RSPH1: variants seen among roughly 807,000 people sequenced by gnomAD.
RSPH1 encodes the protein radial spoke head 1 homolog.
RSPH1 carries 32 observed loss-of-function variants against 44.2 expected under a neutral mutation model. The observed-to-expected ratio is 0.72, with a 90% CI of 0.55 to 0.97. RSPH1 has a LOEUF of 0.97. Ranked by LOEUF, RSPH1 falls within the 50% of genes least tolerant of loss-of-function variation. The pLI is 0.00. For missense variants in RSPH1, 391 were observed against 398.7 expected (o/e 0.98, Z 0.16); for synonymous variants, 134 against 147.3 (o/e 0.91, Z 0.65).
intron 6 of RSPH1, among the ~76,000 whole-genome samples, chr21:42,479,617 G>C (rs148902954): frequency 2.3e-4 from 35 of 152,224 alleles, no homozygotes; most frequent in Admixed American, 2.2e-3. Flanking sequence ...ACAGATGAGA[G>C]GTGTCCAACC....
At chr21:42,480,969 G>A (rs1190597030) in intron 6 of RSPH1, among the ~76,000 whole-genome samples, 1 of 152,138 alleles carries the variant, frequency 6.6e-6, no homozygotes, top group Non-Finnish European at 1.5e-5. Context: ...AGGGCTTGAC[G>A]AGGGACACAG....
chr21:42,492,753 T>C lies in RSPH1; in HGVS notation c.274+5A>G. ...ACGAAAATCTGCTTAGTGATAACAT[T>C]TTACCTTCATATCTGGATCCATCTG... On this transcript the variant is annotated splice_donor_5th_base_variant and intron_variant, in intron 3 of 8. Coordinates refer to ENST00000291536, the MANE Select transcript of RSPH1 (RefSeq NM_080860.4). 6.4e-7 allele frequency: 1 copy of C among 1,552,768 alleles called. No individual in the cohort carries two copies.
chr21:42,489,052 G>T lies in RSPH1; in HGVS notation c.275-2591C>A, dbSNP rs560910489. Among the ~76,000 whole-genome samples, 143 of 152,166 alleles carry T rather than the reference G, an allele frequency of 9.4e-4. 1 individual carries two copies. The highest frequency in any genetic ancestry group is 3.4e-3 in the Middle Eastern group (1 of 292). Reference sequence around the variant, plus strand: ...AACTGGTTGGTTGGTTGGTTGGCTGGTTGGCTGGTTGGTTAGTTGGCTAAC... The same window carrying T: ...AACTGGTTGGTTGGTTGGTTGGCTGTTTGGCTGGTTGGTTAGTTGGCTAAC... On this transcript the variant is annotated intron_variant, in intron 3 of 8. Coordinates refer to ENST00000291536, the MANE Select transcript of RSPH1 (RefSeq NM_080860.4).
intron 4 of RSPH1, 91 bp from the exon 5 acceptor site, chr21:42,485,895 C>T: frequency 6.5e-7 from 1 of 1,532,528 alleles, no homozygotes; most frequent in Non-Finnish European, 9.0e-7. Flanking sequence ...TGAGGGAGGC[C>T]CAGGCTGTTG....
intron 3 of RSPH1, among the ~76,000 whole-genome samples, chr21:42,487,078 T>G (rs898385197): frequency 6.6e-6 from 1 of 152,192 alleles, no homozygotes; most frequent in Non-Finnish European, 1.5e-5. Context: ...GCTGGTGCCA[T>G]GCCTCTGTTT....
rs150735463 is a variant in RSPH1 at position 42,474,005 on chromosome 21, G to A, written c.878-1135C>T. On this transcript the variant is annotated intron_variant, in intron 8 of 8. Coordinates refer to ENST00000291536, the MANE Select transcript of RSPH1 (RefSeq NM_080860.4). This position sits in a 1 kb window ranked among gnomAD's most constrained non-coding sequence, Gnocchi z 5.2. The stretch of plus-strand genomic sequence containing the variant: ...CGCTGGTACTGGGCATCGTCCACTC[G>A]GCCCCATCTCTCCCAGTCCGGTTTT... Among the ~76,000 whole-genome samples, 6 of 152,098 alleles carry A rather than the reference G, an allele frequency of 3.9e-5. No individual in the cohort carries two copies. The highest frequency in any genetic ancestry group is 2.0e-4 in the Admixed American group (3 of 15,276).
In RSPH1 at chr21:42,490,942, T is replaced by C. The variant is rs576852301; in HGVS notation, c.274+1816A>G. Reference sequence around the variant, plus strand: ...AAGATTTGTTGAGCTTCTGGGGTGATAAACATATCATGTGCCAGGAGGGTG... The same window carrying C: ...AAGATTTGTTGAGCTTCTGGGGTGACAAACATATCATGTGCCAGGAGGGTG... On this transcript the variant is annotated intron_variant, in intron 3 of 8. Transcript: ENST00000291536. 4.3e-4 allele frequency among the ~76,000 whole-genome samples: 66 copies of C among 152,242 alleles called. 2 individuals carry two copies. The South Asian group carries it at 0.012, about 29-fold the overall frequency.
intron 3 of RSPH1, among the ~76,000 whole-genome samples, chr21:42,490,584 A>C (rs2054226416): frequency 6.6e-6 from 1 of 152,246 alleles, no homozygotes; most frequent in Non-Finnish European, 1.5e-5. Context: ...ATACAAAGCC[A>C]TCTGGAGAAT....
At chr21:42,492,692 C>T in intron 3 of RSPH1, 66 bp downstream of exon 3, 2 of 892,758 alleles carry the variant, frequency 2.2e-6, no homozygotes, top group Non-Finnish European at 1.8e-6. Context: ...TATTCACAGA[C>T]AAGTTCAGTC....
At chr21:42,483,523 A>T (rs1206931664) in intron 5 of RSPH1, among the ~76,000 whole-genome samples, 1 of 152,096 alleles carries the variant, frequency 6.6e-6, no homozygotes, top group Non-Finnish European at 1.5e-5. Context: ...AGTTGTTAGT[A>T]AGCCTGCATT....
At chr21:42,475,243 G>T (rs1207921400) in intron 8 of RSPH1, among the ~76,000 whole-genome samples, 1 of 152,096 alleles carries the variant, frequency 6.6e-6, no homozygotes, top group Admixed American at 6.5e-5. Flanking sequence ...CATTGAAAAA[G>T]AGCTAGTTCC....
At chr21:42,478,211 C>T (rs1424927592) in intron 6 of RSPH1, among the ~76,000 whole-genome samples, 2 of 152,384 alleles carry the variant, frequency 1.3e-5, no homozygotes, top group South Asian at 2.1e-4. Context: ...TGAGCATCAG[C>T]ACTATGACTA....
intron 5 of RSPH1, among the ~76,000 whole-genome samples, chr21:42,483,675 T>G (rs145064397): frequency 8.2e-4 from 125 of 152,358 alleles, no homozygotes; most frequent in African/African-American, 2.8e-3. Context: ...GAAGTTATTT[T>G]TATAAAGCTA....
At chr21:42,495,488 T>C (rs185089177) in intron 1 of RSPH1, among the ~76,000 whole-genome samples, 43 of 152,290 alleles carry the variant, frequency 2.8e-4, no homozygotes, top group Admixed American at 5.9e-4. Flanking sequence ...CTCTGGGTGA[T>C]AGAAATATTC....
intron 5 of RSPH1, chr21:42,484,624 T>C (rs2054160472): frequency 1.3e-5 from 2 of 152,318 alleles, no homozygotes; most frequent in South Asian, 4.1e-4. Flanking sequence ...TGTGTATTAT[T>C]TGTATAATTT....
chr21:42,490,209 C>G (rs546529207), intron 3 of RSPH1, among the ~76,000 whole-genome samples: 21 of 152,072 alleles, frequency 1.4e-4, no homozygotes, highest in Non-Finnish European at 2.9e-4. Context: ...TCTCCCCACT[C>G]CTCTCCTGCA....
intron 3 of RSPH1, among the ~76,000 whole-genome samples, chr21:42,488,306 T>C (rs574268206): frequency 1.3e-5 from 2 of 152,206 alleles, no homozygotes; most frequent in Non-Finnish European, 2.9e-5. Flanking sequence ...GTGATGTGCC[T>C]GGATTTGTAA....
chr21:42,478,840 C>T (rs941842687), intron 6 of RSPH1, among the ~76,000 whole-genome samples: 5 of 152,190 alleles, frequency 3.3e-5, no homozygotes, highest in African/African-American at 4.8e-5. Context: ...ACCTTGAAAA[C>T]GTCGTGCTAA....
At chr21:42,495,843 A>G (rs2054282092) in intron 1 of RSPH1, among the ~76,000 whole-genome samples, 1 of 152,154 alleles carries the variant, frequency 6.6e-6, no homozygotes, top group Non-Finnish European at 1.5e-5. Context: ...GGAGGAGGAA[A>G]CTTCCAAAGC....
Sources: gnomAD v4.1 joint callset for allele counts (sites outside exome capture counted in the v4.1 genomes callset) on GRCh38, gnomAD v4.1.1 for gene constraint, Gnocchi (gnomAD v3.1) non-coding constraint, MANE v1.5 for transcripts, NCBI Gene and HGNC (gene_info 2026-07-23, HGNC 2026-07-21) for gene names.